BRAT1: variants seen among roughly 807,000 people sequenced by gnomAD.
The protein encoded by BRAT1 is integrator complex assembly factor BRAT1.
BRAT1 carries 74 observed loss-of-function variants against 70.6 expected under a neutral mutation model. The ratio of observed to expected loss-of-function variants is 1.05; its 90% CI spans 0.87 to 1.27. The LOEUF (loss-of-function observed/expected upper bound fraction) is 1.27, where lower values mean the gene tolerates loss of function less well. Among genes scored for constraint, BRAT1 ranks in the 50% most tolerant of loss-of-function variants. BRAT1 has a pLI of 0.00. For missense variants in BRAT1, 1,203 were observed against 1,098.2 expected (o/e 1.10, Z -1.35); for synonymous variants, 615 against 517.1 (o/e 1.19, Z -2.57).
At chr7:2,553,236 G>A (rs1780169494) in intron 2 of BRAT1, among the ~76,000 whole-genome samples, 1 of 151,910 alleles carries the variant, frequency 6.6e-6, no homozygotes, top group South Asian at 2.1e-4. Context: ...TCACCATGTT[G>A]GCCAGGCTGG....
At chr7:2,546,359 G>C (rs1029136121) in intron 3 of BRAT1, among the ~76,000 whole-genome samples, 1 of 152,140 alleles carries the variant, frequency 6.6e-6, no homozygotes, top group Non-Finnish European at 1.5e-5. Flanking sequence ...AGGGTCACTT[G>C]AGCCCAGGAG....
chr7:2,555,326 G>A (rs1184422324), intron 1 of BRAT1, among the ~76,000 whole-genome samples, 161 bp downstream of exon 1: 6 of 152,116 alleles, frequency 3.9e-5, no homozygotes, highest in African/African-American at 1.4e-4. Flanking sequence ...GTCCAGAAGG[G>A]GCGCCAGAGC....
chr7:2,543,665 CG>C lies in BRAT1; in HGVS notation c.727del (p.Arg243AlafsTer45). 1 of 1,559,010 alleles carries C rather than the reference CG, an allele frequency of 6.4e-7. No individual in the cohort carries two copies. Among genetic ancestry groups the C allele is most frequent in the Non-Finnish European group, 8.7e-7 (1 of 1,147,156 alleles). Reference sequence around the variant, plus strand: ...GTCTCTCTCCAGCAGACAGGCCACGCGGGGACTCAGCCGCACCCACAGGGCT... The same window carrying C: ...GTCTCTCTCCAGCAGACAGGCCACGCGGGACTCAGCCGCACCCACAGGGCT... ...TEALWVRLSP[R>X]VACLLERDPI... On this transcript the variant is annotated frameshift_variant, in exon 5 of 14. Transcript: ENST00000340611. LOFTEE classifies it high-confidence loss of function. This position sits in a 1 kb window ranked among gnomAD's most constrained non-coding sequence, Gnocchi z 5.5.
chr7:2,542,443 G>A (rs1345530093), intron 6 of BRAT1: 2 of 568,216 alleles, frequency 3.5e-6, no homozygotes, highest in Non-Finnish European at 6.3e-6. Context: ...AGCAGATACT[G>A]AGGGGCCTCC....
chr7:2,543,021 G>T lies in BRAT1; in HGVS notation c.923+183C>A. 1 of 616,640 alleles carries T rather than the reference G, an allele frequency of 1.6e-6. No individual in the cohort carries two copies. Among genetic ancestry groups the T allele is most frequent in the Non-Finnish European group, 2.6e-6 (1 of 381,248 alleles). The allele number at this position is 616,640 out of a possible 1,614,324, so 38.2% of individuals were successfully genotyped here. ...AGCTTTGGTCTGAAACAATTATTCT[G>T]TTGCTAAAGAACCTTCAGAAGCTGC... On this transcript the variant is annotated intron_variant, in intron 6 of 13. Transcript: ENST00000340611. This position sits in a 1 kb window ranked among gnomAD's most constrained non-coding sequence, Gnocchi z 5.5.
chr7:2,553,852 G>A (rs568759158), intron 2 of BRAT1, among the ~76,000 whole-genome samples: 9 of 151,172 alleles, frequency 6.0e-5, no homozygotes, highest in Admixed American at 5.3e-4. Flanking sequence ...CGCTATGTTG[G>A]ACCAGGCTGG....
At position 2,554,330 on chromosome 7, in the gene BRAT1, G is replaced by C. The variant is rs764923581; in HGVS notation, c.102C>G (p.Asp34Glu). Residue 34 changes from aspartate to glutamate, a missense_variant, in exon 2 of 14, where the codon GAC becomes GAG. By Grantham distance (45) the Asp-to-Glu change is conservative (BLOSUM62 2). Transcript: ENST00000340611. ...CTCCTTCAGTGACCGTTTTAAACCA[G>C]TCCAGGAGCTTCTCCAAACAGGTGT... Reference protein sequence around the residue: ...ADDTCLEKLLDWFKTVTEGES... With the variant: ...ADDTCLEKLLEWFKTVTEGES... 4.3e-6 allele frequency: 7 copies of C among 1,613,866 alleles called. No homozygotes were observed. The South Asian group carries it at 6.6e-5, about 15-fold the overall frequency.
intron 2 of BRAT1, among the ~76,000 whole-genome samples, chr7:2,551,211 A>G (rs1282563080): frequency 3.3e-5 from 5 of 150,420 alleles, no homozygotes; most frequent in Non-Finnish European, 7.4e-5. Flanking sequence ...ATTGCACCCC[A>G]GCCTGGGCAA....
rs1554298077 is a variant in BRAT1 at position 2,552,081 on chromosome 7, A to AACATATATATATAT, written c.127+2223_127+2224insATATATATATATGT. Among the ~76,000 whole-genome samples the AACATATATATATAT allele has an allele frequency of 2.1e-4, 5 of 23,384 alleles. No individual in the cohort carries two copies. The East Asian group carries it at 0.014, about 68-fold the overall frequency. The allele number at this position is 23,384 out of a possible 152,430, so 15.3% of individuals were successfully genotyped here. On this transcript the variant is annotated intron_variant, in intron 2 of 13. Transcript: ENST00000340611. ...ACTTTTAGAGAAATGCATAGTCTTA[A>AACATATATATATAT]ATATATATATATATATATATATATA...
At chr7:2,542,064 TC>T in intron 7 of BRAT1, 55 bp downstream of exon 7, 2 of 1,424,464 alleles carry the variant, frequency 1.4e-6, no homozygotes, top group Non-Finnish European at 1.9e-6. Context: ...CCATCTCCCT[TC>T]CCCCAGCCGC....
At position 2,537,915 on chromosome 7, in the gene BRAT1, C is replaced by A. The variant is rs912756513; in HGVS notation, c.*154G>T. The A allele has an allele frequency of 5.6e-6, 7 of 1,248,898 alleles. No homozygotes were observed. In the East Asian group the frequency reaches 1.6e-4, roughly 29 times the overall value. The allele number at this position is 1,248,898 out of a possible 1,614,324, so 77.4% of individuals were successfully genotyped here. Reference sequence around the variant, plus strand: ...TAAGTCATTTCTTTAATACATCAAACTGTGGGATTTCTTGACCTTGCTTCT... The same window carrying A: ...TAAGTCATTTCTTTAATACATCAAAATGTGGGATTTCTTGACCTTGCTTCT... On this transcript the variant is annotated 3_prime_UTR_variant, in exon 14 of 14. Coordinates refer to ENST00000340611, the MANE Select transcript of BRAT1 (RefSeq NM_152743.4).
chr7:2,539,630 A>G lies in BRAT1; in HGVS notation c.1511T>C (p.Val504Ala). 1 of 1,594,432 alleles carries G rather than the reference A, an allele frequency of 6.3e-7. No homozygotes were observed. The highest frequency in any genetic ancestry group is 8.5e-7 in the Non-Finnish European group (1 of 1,169,834). ...GGGGTGGCACAGGCGTTTCTGCAGC[A>G]CAGGGAACAGCTCTAGGGTGGGAAG... ...IPQFLRELFPVLQKRLCHPCW... is the reference protein window; with the variant it reads ...IPQFLRELFPALQKRLCHPCW... The change falls in exon 12 of 14, where the codon GTG becomes GCG. Residue 504 changes from valine to alanine, a missense_variant. By Grantham distance (64) the Val-to-Ala change is moderately conservative (BLOSUM62 0). Transcript: ENST00000340611.
intron 2 of BRAT1, among the ~76,000 whole-genome samples, chr7:2,553,725 C>T (rs1780206404): frequency 6.6e-6 from 1 of 151,770 alleles, no homozygotes; most frequent in African/African-American, 2.4e-5. Context: ...CTCACTGCAA[C>T]CTCTACCTCC....
chr7:2,538,639 C>T lies in BRAT1; in HGVS notation c.1896G>A (p.Glu632=), dbSNP rs1322522470. ...DGHADAAQDT[E]QFVATVLQAA... ...CCTGCAGCACAGTGGCCACGAACTG[C>T]TCCGTGTCCTGGGCCGCGTCGGCGT... Residue 632 remains glutamate, a synonymous_variant, in exon 14 of 14, where the codon GAG becomes GAA. Transcript: ENST00000340611. 2 of 1,598,352 alleles carry T rather than the reference C, an allele frequency of 1.3e-6. No individual in the cohort carries two copies. The highest frequency in any genetic ancestry group is 1.7e-6 in the Non-Finnish European group (2 of 1,179,574).
chr7:2,545,828 C>T (rs1049504101), intron 3 of BRAT1, among the ~76,000 whole-genome samples: 1 of 152,154 alleles, frequency 6.6e-6, no homozygotes, highest in Admixed American at 6.5e-5. Flanking sequence ...CAGACAAGGG[C>T]CCCCGGATTC....
chr7:2,542,372 G>C (rs1442996422), intron 6 of BRAT1, 161 bp from the exon 7 acceptor site: 5 of 651,526 alleles, frequency 7.7e-6, no homozygotes, highest in Non-Finnish European at 1.4e-5. Context: ...CCATGGGACA[G>C]AGTGGCGGGG....
intron 8 of BRAT1, 34 bp downstream of exon 8, chr7:2,541,684 C>G (rs2128392097): frequency 6.3e-7 from 1 of 1,582,008 alleles, no homozygotes; most frequent in Admixed American, 1.8e-5. Context: ...AGCGTGGATG[C>G]TGCTGGGCTG....
chr7:2,549,795 C>T (rs553755249), intron 2 of BRAT1, among the ~76,000 whole-genome samples: 1 of 152,290 alleles, frequency 6.6e-6, no homozygotes, highest in African/African-American at 2.4e-5. Context: ...TAGGCAAATT[C>T]TAACTTTAAA....
At chr7:2,541,523 A>T in intron 8 of BRAT1, 39 bp from the exon 9 acceptor site, 1 of 1,507,842 alleles carries the variant, frequency 6.6e-7, no homozygotes, top group Non-Finnish European at 8.9e-7. Context: ...TTGCGGTCCC[A>T]CTGCCGGCGT....
Sources: allele counts gnomAD v4.1 joint callset (sites outside exome capture counted in the v4.1 genomes callset), GRCh38; gene constraint gnomAD v4.1.1; non-coding constraint Gnocchi (gnomAD v3.1); transcripts MANE v1.5; gene names NCBI Gene and HGNC (gene_info 2026-07-23, HGNC 2026-07-21).